The following CD8A variants were observed in gnomAD, a reference collection of about 807,000 sequenced individuals.
The protein encoded by CD8A is T-cell surface glycoprotein CD8 alpha chain.
CD8A carries 25 observed loss-of-function variants against 24.2 expected under a neutral mutation model. The ratio of observed to expected loss-of-function variants is 1.03; its 90% CI spans 0.75 to 1.44. CD8A has a LOEUF of 1.44. Ranked by LOEUF, CD8A falls within the 40% of genes most tolerant of loss-of-function variation. The pLI is 0.00. For synonymous variants in CD8A, 165 were observed against 149.9 expected (o/e 1.10, Z -0.74); for missense variants, 360 against 319.7 (o/e 1.13, Z -0.96).
chr2:86,788,997 CG>C (rs1389332183), intron 4 of CD8A, among the ~76,000 whole-genome samples: 2 of 152,206 alleles, frequency 1.3e-5, no homozygotes, highest in Non-Finnish European at 2.9e-5. Flanking sequence ...GCACTTGACT[CG>C]GCCACAGCGG....
intron 4 of CD8A, 53 bp downstream of exon 4, chr2:86,789,270 C>T: frequency 8.3e-7 from 1 of 1,204,856 alleles, no homozygotes; most frequent in Non-Finnish European, 1.2e-6. Flanking sequence ...GCTAGCAGAG[C>T]CAAGGGCAGG....
chr2:86,787,898 A>AGAGTGTGTGTGTGT (rs369993109), intron 5 of CD8A, among the ~76,000 whole-genome samples: 8 of 144,490 alleles, frequency 5.5e-5, no homozygotes, highest in African/African-American at 1.8e-4. Context: ...AGAGAGAGAG[A>AGAGTGTGTGTGTGT]GTGTGTGTGT....
At chr2:86,786,343 G>A (rs1672995621) in intron 5 of CD8A, among the ~76,000 whole-genome samples, 1 of 152,216 alleles carries the variant, frequency 6.6e-6, no homozygotes, top group Admixed American at 6.5e-5. Context: ...GTCATTAGCT[G>A]ACCTGATTCT....
At chr2:86,786,132 C>T (rs1672988473) in intron 5 of CD8A, among the ~76,000 whole-genome samples, 161 bp from the exon 6 acceptor site, 1 of 152,236 alleles carries the variant, frequency 6.6e-6, no homozygotes, top group South Asian at 2.1e-4. Context: ...GCACAGCACC[C>T]GTGCTAAATG....
At chr2:86,793,817 A>G (rs1169494485), upstream of CD8A, among the ~76,000 whole-genome samples, 1 of 152,184 alleles carries the variant, frequency 6.6e-6, no homozygotes, top group Non-Finnish European at 1.5e-5. Flanking sequence ...AGTCTCACGG[A>G]AATCAGCTTG....
chr2:86,807,521 G>A (rs1673951397), exon 2 of CD8A: 1 of 152,540 alleles, frequency 6.6e-6, no homozygotes, highest in African/African-American at 2.4e-5. Context: ...GCGTATGGGT[G>A]GGGTTTGCAG....
intron 2 of CD8A, among the ~76,000 whole-genome samples, chr2:86,802,659 G>T (rs750576016): frequency 6.6e-6 from 1 of 152,074 alleles, no homozygotes; most frequent in South Asian, 2.1e-4. Context: ...AGGCTGGACC[G>T]CAGTGGCACA....
intron 2 of CD8A, among the ~76,000 whole-genome samples, chr2:86,806,759 C>T (rs556048685): frequency 6.6e-6 from 1 of 152,332 alleles, no homozygotes; most frequent in Non-Finnish European, 1.5e-5. Context: ...ACACGGGGAG[C>T]TTGCCCCCAG....
At chr2:86,792,776 G>A (rs1221028212), upstream of CD8A, among the ~76,000 whole-genome samples, 1 of 150,520 alleles carries the variant, frequency 6.6e-6, no homozygotes, top group African/African-American at 2.4e-5. Context: ...GATTACAGGT[G>A]TGAGCCACCA....
At chr2:86,788,193 AGAG>A (rs1028862639) in intron 5 of CD8A, among the ~76,000 whole-genome samples, 1 of 151,894 alleles carries the variant, frequency 6.6e-6, no homozygotes, top group African/African-American at 2.4e-5. Context: ...ATCAGAATAA[AGAG>A]GAGGTCAGGT....
At position 86,784,908 on chromosome 2, in the gene CD8A, A is replaced by G. The variant is rs1228004949; in HGVS notation, c.*1012T>C. 2.2e-6 allele frequency: 1 copy of G among 453,982 alleles called. No individual in the cohort carries two copies. Among genetic ancestry groups the G allele is most frequent in the Non-Finnish European group, 4.4e-6 (1 of 226,792 alleles). The allele number at this position is 453,982 out of a possible 1,614,324, so 28.1% of individuals were successfully genotyped here. A position where few individuals can be genotyped will look rare whatever the true frequency, so the allele number is the denominator to read the frequency against. On this transcript the variant is annotated 3_prime_UTR_variant, in exon 6 of 6. Transcript: ENST00000283635. ...GCAGTTTGGGCTCTCAGCCTCCTTA[A>G]GAGAGTCAGGTCTGCCTCATCCCTG...
At chr2:86,800,884 A>C (rs1203795030) in intron 3 of CD8A, among the ~76,000 whole-genome samples, 1 of 152,222 alleles carries the variant, frequency 6.6e-6, no homozygotes, top group African/African-American at 2.4e-5. Flanking sequence ...ATCAAGTTCA[A>C]ATGAGGCCAA....
chr2:86,790,399 C>A lies in CD8A; in HGVS notation c.332G>T (p.Gly111Val). ...GCTCAGGGCCGAGCAGAAATAGTAGCCCTCGTTCTCTCGGCGGAAGTCGCT... is the reference window on the plus strand; with the variant it reads ...GCTCAGGGCCGAGCAGAAATAGTAGACCTCGTTCTCTCGGCGGAAGTCGCT... ...TLSDFRRENE[G>V]YYFCSALSNS... Residue 111 changes from glycine to valine, a missense_variant, in exon 2 of 6, where the codon GGC becomes GTC. Coordinates refer to ENST00000283635, the MANE Select transcript of CD8A (RefSeq NM_001768.7). 1.2e-6 allele frequency: 2 copies of A among 1,614,134 alleles called. No individual in the cohort carries two copies. The highest frequency in any genetic ancestry group is 1.7e-6 in the Non-Finnish European group (2 of 1,180,026).
chr2:86,786,063 T>C, intron 5 of CD8A, 92 bp from the exon 6 acceptor site: 1 of 1,018,314 alleles, frequency 9.8e-7, no homozygotes, highest in Non-Finnish European at 1.6e-6. Context: ...CCCCCAGCCT[T>C]TGAAAGGTCT....
chr2:86,794,990 T>C, upstream of CD8A, among the ~76,000 whole-genome samples: 1 of 152,196 alleles, frequency 6.6e-6, no homozygotes, highest in Non-Finnish European at 1.5e-5. Context: ...AAGCATCTCC[T>C]TCCTGTGGGG....
rs1673233249 is a variant in CD8A, at chr2:86,790,453, C to T, written c.278G>A (p.Arg93Lys). 6.2e-7 allele frequency: 1 copy of T among 1,614,194 alleles called. No homozygotes were observed. The highest frequency in any genetic ancestry group is 2.2e-5 in the East Asian group (1 of 44,880). ...GGTGAGGACGAAGGTGTCCCCCAAC[C>T]TCTTGCCCGAGAACCGCTGGGTGTC... ...GLDTQRFSGKRLGDTFVLTLS... is the reference protein window; with the variant it reads ...GLDTQRFSGKKLGDTFVLTLS... Residue 93 changes from arginine (R) to lysine (K), a missense_variant, in exon 2 of 6, where the codon AGG (arginine) becomes AAG (lysine). Physicochemically the swap from Arg to Lys is conservative, Grantham distance 26. Transcript: ENST00000283635.
chr2:86,789,386 G>A lies in CD8A; in HGVS notation c.562C>T (p.Pro188Ser), dbSNP rs1400052491. The change falls in exon 4 of 6, where the codon CCC (proline) becomes TCC (serine). Residue 188 changes from proline to serine, a missense_variant. Physicochemically the swap from Pro to Ser is moderately conservative, Grantham distance 74. Coordinates refer to ENST00000283635, the MANE Select transcript of CD8A (RefSeq NM_001768.7). Reference protein sequence around the residue: ...DFACDIYIWAPLAGTCGVLLL... With the variant: ...DFACDIYIWASLAGTCGVLLL... ...AGGACCCCACAAGTCCCGGCCAAGG[G>A]CGCCCAGATGTAGATATCACAGGCG... 9 of 1,614,066 alleles carry A rather than the reference G, an allele frequency of 5.6e-6. No individual in the cohort carries two copies. In the South Asian group the frequency reaches 9.9e-5, roughly 18 times the overall value.
At chr2:86,789,184 T>A (rs1673154074) in intron 4 of CD8A, 139 bp downstream of exon 4, 3 of 720,894 alleles carry the variant, frequency 4.2e-6, no homozygotes, top group Non-Finnish European at 5.1e-6. Flanking sequence ...CAGAAAGAAG[T>A]GCCTGTACCT....
intron 2 of CD8A, among the ~76,000 whole-genome samples, chr2:86,802,000 C>T (rs910450591): frequency 6.6e-6 from 1 of 151,974 alleles, no homozygotes; most frequent in Non-Finnish European, 1.5e-5. Context: ...AATTCCATAC[C>T]CTTCACCCAG....
Sources: allele counts gnomAD v4.1 joint callset (sites outside exome capture counted in the v4.1 genomes callset), GRCh38; gene constraint gnomAD v4.1.1; transcripts MANE v1.5; gene names NCBI Gene and HGNC (gene_info 2026-07-23, HGNC 2026-07-21).